Variants in ADCY9 observed in about 807,000 individuals in gnomAD.
The protein encoded by ADCY9 is adenylate cyclase 9, also known as adenylate cyclase type 9.
Under a neutral mutation model 101.5 loss-of-function variants are expected in ADCY9, and 50 were observed. That is an observed-to-expected ratio of 0.49 (90% CI 0.39 to 0.62). ADCY9 has a LOEUF of 0.62. ADCY9 is among the 20% of genes least tolerant of loss of function. ADCY9 has a pLI of 0.00. For synonymous variants in ADCY9, 905 were observed against 769.3 expected, an observed-to-expected ratio of 1.18 and a Z score of -2.92; for missense variants, 1,662 against 1,800.4, an observed-to-expected ratio of 0.92 and a Z score of 1.39.
chr16:4,042,202 C>T (rs1445387043), intron 2 of ADCY9, among the ~76,000 whole-genome samples: 3 of 152,144 alleles, frequency 2.0e-5, no homozygotes, highest in South Asian at 2.1e-4. Flanking sequence ...GGATTACAAG[C>T]GTGAGCCACG....
Position 3,977,543 on chromosome 16 carries a change from G to C in ADCY9, c.2767C>G (p.Leu923Val). The stretch of plus-strand genomic sequence containing the variant: ...GGCCCGGCCCCCACGACGGTGGCGA[G>C]GGAGGACCTCATCCAGGAGCTGAGC... ...CQLSSWMRSS[L>V]ATVVGAGPLL... The change falls in exon 9 of 11, where the codon CTC becomes GTC. Residue 923 changes from leucine to valine, a missense_variant. Transcript: ENST00000294016. The C allele has an allele frequency of 6.2e-7, 1 of 1,605,570 alleles. No individual in the cohort carries two copies. The highest frequency in any genetic ancestry group is 8.5e-7 in the Non-Finnish European group (1 of 1,176,454).
Position 3,966,141 on chromosome 16 carries a change from C to T in ADCY9, c.3696G>A (p.Lys1232=). The T allele has an allele frequency of 6.2e-7, 1 of 1,614,234 alleles. No homozygotes were observed. Among genetic ancestry groups the T allele is most frequent in the African/African-American group, 1.3e-5 (1 of 75,054 alleles). Reference sequence around the variant, plus strand: ...GGTAGGTCTTCATCTGGCCTTTCCCCTTGACATTCACGGTCCCTCTGTAGT... The same window carrying T: ...GGTAGGTCTTCATCTGGCCTTTCCCTTTGACATTCACGGTCCCTCTGTAGT... ...DFDYRGTVNV[K]GKGQMKTYLY... The change falls in exon 11 of 11, where the codon AAG becomes AAA. Residue 1232 remains lysine (K), a synonymous_variant. Coordinates refer to ENST00000294016, the MANE Select transcript of ADCY9 (RefSeq NM_001116.4).
rs749319302 is a variant in ADCY9 at position 4,089,136 on chromosome 16, G to GCTGGAGTGCAGTGGCA, written c.1693+24613_1693+24614insTGCCACTGCACTCCAG. ...AGACAGAGATTGCTCTGTCACCCAGGCAATCTCAGCTCACTGCAACCTCCA... is the reference window on the plus strand; with the variant it reads ...AGACAGAGATTGCTCTGTCACCCAGGCTGGAGTGCAGTGGCACAATCTCAGCTCACTGCAACCTCCA... On this transcript the variant is annotated intron_variant, in intron 2 of 10. Transcript: ENST00000294016. Among the ~76,000 whole-genome samples the GCTGGAGTGCAGTGGCA allele has an allele frequency of 6.0e-3, 452 of 75,794 alleles. 3 individuals carry two copies. The highest frequency in any genetic ancestry group is 0.019 in the Middle Eastern group (3 of 162). 49.7% of individuals were successfully genotyped at this position (75,794 alleles called of 152,430 possible).
intron 10 of ADCY9, among the ~76,000 whole-genome samples, chr16:3,970,597 G>A (rs1201874120): frequency 1.3e-5 from 2 of 152,214 alleles, no homozygotes; most frequent in Non-Finnish European, 2.9e-5. Flanking sequence ...CAAAGTGCTG[G>A]GATTACAGGC....
intron 2 of ADCY9, among the ~76,000 whole-genome samples, chr16:4,088,159 G>C (rs1444851770): frequency 6.6e-6 from 1 of 151,918 alleles, no homozygotes; most frequent in Admixed American, 6.6e-5. Context: ...CCAGCCACTG[G>C]AAAAGTACAT....
chr16:4,063,959 C>G (rs566520321), intron 2 of ADCY9, among the ~76,000 whole-genome samples: 16 of 152,010 alleles, frequency 1.1e-4, no homozygotes, highest in Non-Finnish European at 2.2e-4. Flanking sequence ...AACAATAAGG[C>G]AGGAAAAAGA....
intron 2 of ADCY9, among the ~76,000 whole-genome samples, chr16:4,037,041 C>G (rs889199661): frequency 6.6e-6 from 1 of 152,150 alleles, no homozygotes; most frequent in South Asian, 2.1e-4. Flanking sequence ...CCAAGCTGGG[C>G]ATGGTGGCTC....
chr16:4,067,031 T>C (rs1253565164), intron 2 of ADCY9, among the ~76,000 whole-genome samples: 2 of 152,240 alleles, frequency 1.3e-5, no homozygotes, highest in Non-Finnish European at 2.9e-5. Context: ...CAAGTGCTCA[T>C]CTGAGACAGA....
chr16:4,012,556 C>A (rs2056411252), intron 2 of ADCY9, among the ~76,000 whole-genome samples: 1 of 151,206 alleles, frequency 6.6e-6, no homozygotes, highest in Non-Finnish European at 1.5e-5. Context: ...ATATTCTTTC[C>A]TGGTTATCCA....
rs1348874305 is a variant in ADCY9, at chr16:3,963,206, T to C, written c.*2569A>G. The C allele has an allele frequency of 2.7e-6, 1 of 375,200 alleles. No individual in the cohort carries two copies. The highest frequency in any genetic ancestry group is 4.6e-5 in the Admixed American group (1 of 21,622). The allele number at this position is 375,200 out of a possible 1,614,324, so 23.2% of individuals were successfully genotyped here. On this transcript the variant is annotated 3_prime_UTR_variant, in exon 11 of 11. Transcript: ENST00000294016. The stretch of plus-strand genomic sequence containing the variant: ...AATAGCAATTGCAACTCAAAGCAAC[T>C]ATTTACACACATTCAATGCTGAAGT...
intron 2 of ADCY9, among the ~76,000 whole-genome samples, chr16:4,052,374 G>C (rs544378200): frequency 6.6e-6 from 1 of 152,196 alleles, no homozygotes; most frequent in South Asian, 2.1e-4. Context: ...CCGGGACAGC[G>C]TCCTTGTTTT....
At chr16:4,007,857 G>C (rs1472967278) in intron 2 of ADCY9, among the ~76,000 whole-genome samples, 1 of 152,054 alleles carries the variant, frequency 6.6e-6, no homozygotes, top group Non-Finnish European at 1.5e-5. Flanking sequence ...CTCCATGAAA[G>C]GGTCCCAGGA....
At chr16:4,006,585 G>A (rs1351679076) in intron 3 of ADCY9, among the ~76,000 whole-genome samples, 1 of 152,164 alleles carries the variant, frequency 6.6e-6, no homozygotes, top group East Asian at 1.9e-4. Flanking sequence ...ATACCCCACT[G>A]TGTTATCTGA....
At chr16:3,986,926 T>A (rs2056198063) in intron 6 of ADCY9, among the ~76,000 whole-genome samples, 1 of 152,170 alleles carries the variant, frequency 6.6e-6, no homozygotes, top group Non-Finnish European at 1.5e-5. Context: ...CTTCAACAGC[T>A]CCCCATGGCC....
At chr16:4,084,432 A>G (rs926198766) in intron 2 of ADCY9, among the ~76,000 whole-genome samples, 1 of 152,012 alleles carries the variant, frequency 6.6e-6, no homozygotes, top group Non-Finnish European at 1.5e-5. Context: ...ATTTTTTAAA[A>G]AATGAAATGT....
intron 3 of ADCY9, among the ~76,000 whole-genome samples, chr16:4,003,268 C>G (rs564408680): frequency 1.3e-5 from 2 of 152,162 alleles, no homozygotes; most frequent in Non-Finnish European, 2.9e-5. Context: ...GAATCGGAAC[C>G]GTGGAGAAGA....
intron 2 of ADCY9, among the ~76,000 whole-genome samples, chr16:4,107,611 G>A (rs2057086003): frequency 7.2e-6 from 1 of 138,352 alleles, no homozygotes. Context: ...GAATTTCCAA[G>A]CAAGGAGACT....
At chr16:4,064,974 G>C (rs997568926) in intron 2 of ADCY9, among the ~76,000 whole-genome samples, 1 of 152,178 alleles carries the variant, frequency 6.6e-6, no homozygotes, top group African/African-American at 2.4e-5. Context: ...AAAATGGAGA[G>C]AGCGAATACA....
intron 2 of ADCY9, among the ~76,000 whole-genome samples, chr16:4,090,230 G>C (rs7203473): frequency 0.087 from 13,301 of 152,144 alleles, 713 homozygotes; most frequent in Middle Eastern, 0.15. Flanking sequence ...AATACAGCTG[G>C]AGGCGTCCAA....
Sources: gnomAD v4.1 joint callset for allele counts (sites outside exome capture counted in the v4.1 genomes callset) on GRCh38, gnomAD v4.1.1 for gene constraint, MANE v1.5 for transcripts, NCBI Gene and HGNC (gene_info 2026-07-23, HGNC 2026-07-21) for gene names.